The following AHCYL2 variants were observed in gnomAD, a reference collection of about 807,000 sequenced individuals.
The protein encoded by AHCYL2 is S-adenosylhomocysteine hydrolase-like protein 2.
AHCYL2 carries 28 observed loss-of-function variants against 81.4 expected under a neutral mutation model. The observed-to-expected ratio is 0.34, with a 90% confidence interval of 0.25 to 0.47. AHCYL2 has a LOEUF of 0.47. Ranked by LOEUF, AHCYL2 falls within the 20% of genes least tolerant of loss-of-function variation. AHCYL2 has a pLI of 1.00. For missense variants in AHCYL2, 551 were observed against 785.1 expected, an observed-to-expected ratio of 0.70 and a Z score of 3.56; for synonymous variants, 272 against 290.2, an observed-to-expected ratio of 0.94 and a Z score of 0.64.
At chr7:129,392,192 A>C (rs1373209971) in intron 4 of AHCYL2, among the ~76,000 whole-genome samples, 1 of 152,230 alleles carries the variant, frequency 6.6e-6, no homozygotes, top group Admixed American at 6.5e-5. Flanking sequence ...CTTTAAAAAA[A>C]TAACGACAAA....
At chr7:129,261,422 T>C (rs2150716134) in intron 1 of AHCYL2, among the ~76,000 whole-genome samples, 1 of 152,348 alleles carries the variant, frequency 6.6e-6, no homozygotes, top group East Asian at 1.9e-4. Flanking sequence ...AATCTTAGAA[T>C]CGTTGTTCAA....
chr7:129,285,054 G>T (rs1273388042), intron 1 of AHCYL2, among the ~76,000 whole-genome samples: 1 of 152,172 alleles, frequency 6.6e-6, no homozygotes, highest in Non-Finnish European at 1.5e-5. Context: ...GCTGCTCAGG[G>T]GTTAATAAGG....
At chr7:129,257,608 C>G (rs1290120870) in intron 1 of AHCYL2, among the ~76,000 whole-genome samples, 1 of 152,084 alleles carries the variant, frequency 6.6e-6, no homozygotes, top group Non-Finnish European at 1.5e-5. Flanking sequence ...TTATGTATAC[C>G]TTGTAACCCA....
At chr7:129,422,016 G>A (rs969972905) in intron 12 of AHCYL2, among the ~76,000 whole-genome samples, 1 of 152,158 alleles carries the variant, frequency 6.6e-6, no homozygotes, top group Non-Finnish European at 1.5e-5. Context: ...GGGTAGTTTT[G>A]GAATATGAAC....
At position 129,428,194 on chromosome 7, in the gene AHCYL2, T is replaced by G. The variant is rs1797439835; in HGVS notation, c.*1149T>G. ...TAGTTTGAACCTCGTCAGACATTCA[T>G]TCCTTTGGCCATTGCCATGGATGAA... On this transcript the variant is annotated 3_prime_UTR_variant, in exon 17 of 17. Transcript: ENST00000325006. The G allele has an allele frequency of 6.6e-6, 1 of 152,266 alleles. No homozygotes were observed. The highest frequency in any genetic ancestry group is 1.5e-5 in the Non-Finnish European group (1 of 68,038). 9.4% of individuals were successfully genotyped at this position (152,266 alleles called of 1,614,324 possible).
intron 1 of AHCYL2, among the ~76,000 whole-genome samples, chr7:129,300,817 G>A (rs936257867): frequency 6.6e-5 from 10 of 152,042 alleles, no homozygotes; most frequent in African/African-American, 2.2e-4. Context: ...TTCAGCTGTG[G>A]CAAGATATTT....
At position 129,422,899 on chromosome 7, in the gene AHCYL2, G is replaced by A. The variant is rs1430140167; in HGVS notation, c.1521G>A (p.Val507=). 1 of 1,614,122 alleles carries A rather than the reference G, an allele frequency of 6.2e-7. No individual in the cohort carries two copies. Among genetic ancestry groups the A allele is most frequent in the African/African-American group, 1.3e-5 (1 of 75,012 alleles). The change falls in exon 13 of 17, where the codon GTG becomes GTA. Residue 507 remains valine, a synonymous_variant. Coordinates refer to ENST00000325006, the MANE Select transcript of AHCYL2 (RefSeq NM_015328.4). ...GAGTGAGATCTCAAGTTGACCATGT[G>A]ATATGGCCTGATGGCAAGAGGATAG... ...WERVRSQVDH[V]IWPDGKRIVL... is the part of the protein sequence containing the mutation.
rs1175801038 is a variant in AHCYL2, at chr7:129,428,060, A to T, written c.*1015A>T. ...AGACTCACAGCTTGATACCCTAACA[A>T]AGCAGAGTATATTTATTTGTTTCCC... On this transcript the variant is annotated 3_prime_UTR_variant, in exon 17 of 17. Transcript: ENST00000325006. 6.6e-6 allele frequency: 1 copy of T among 152,194 alleles called. No individual in the cohort carries two copies. Among genetic ancestry groups the T allele is most frequent in the Non-Finnish European group, 1.5e-5 (1 of 68,038 alleles). The allele number at this position is 152,194 out of a possible 1,614,324, so 9.4% of individuals were successfully genotyped here. A position where few individuals can be genotyped will look rare whatever the true frequency, so the allele number is the denominator to read the frequency against.
intron 1 of AHCYL2, among the ~76,000 whole-genome samples, chr7:129,360,488 A>G (rs917006755): frequency 6.6e-6 from 1 of 152,226 alleles, no homozygotes; most frequent in Admixed American, 6.5e-5. Context: ...CACTTGGAAT[A>G]CAAAAATAGG....
intron 1 of AHCYL2, among the ~76,000 whole-genome samples, chr7:129,360,635 C>T (rs1003673905): frequency 3.3e-5 from 5 of 152,164 alleles, no homozygotes; most frequent in African/African-American, 1.2e-4. Flanking sequence ...GTAATTGATT[C>T]TTAACCTAGA....
At chr7:129,304,865 T>G (rs1797375256) in intron 1 of AHCYL2, among the ~76,000 whole-genome samples, 1 of 152,114 alleles carries the variant, frequency 6.6e-6, no homozygotes, top group Admixed American at 6.5e-5. Flanking sequence ...ATTGGGGAGT[T>G]TAGTCCATTT....
At chr7:129,424,587 A>T (rs777576373) in intron 13 of AHCYL2, 2 of 478,200 alleles carry the variant, frequency 4.2e-6, no homozygotes, top group Non-Finnish European at 7.6e-6. Flanking sequence ...AATTCAAGAG[A>T]AGTACACTGA....
At chr7:129,316,893 A>G (rs1474115597) in intron 1 of AHCYL2, among the ~76,000 whole-genome samples, 1 of 152,244 alleles carries the variant, frequency 6.6e-6, no homozygotes, top group African/African-American at 2.4e-5. Context: ...GGCAAAACAT[A>G]TATCCTTGAG....
chr7:129,368,115 A>C lies in AHCYL2; in HGVS notation c.364-11523A>C. 9.7e-7 allele frequency: 1 copy of C among 1,026,398 alleles called. No homozygotes were observed. Among genetic ancestry groups the C allele is most frequent in the South Asian group, 4.1e-5 (1 of 24,100 alleles). The allele number at this position is 1,026,398 out of a possible 1,614,324, so 63.6% of individuals were successfully genotyped here. A position where few individuals can be genotyped will look rare whatever the true frequency, so the allele number is the denominator to read the frequency against. ...GGGAGAGAATTCACAAGTGCCTCAC[A>C]CACAGGGAAAGAAGGAAGTCCAACT... On this transcript the variant is annotated intron_variant, in intron 1 of 16. Coordinates refer to ENST00000325006, the MANE Select transcript of AHCYL2 (RefSeq NM_015328.4). The surrounding 1 kb of genome is among the most constrained non-coding windows in gnomAD (Gnocchi z 4.4).
At chr7:129,234,984 C>T (rs1360170582) in intron 1 of AHCYL2, among the ~76,000 whole-genome samples, 1 of 152,198 alleles carries the variant, frequency 6.6e-6, no homozygotes, top group Non-Finnish European at 1.5e-5. Context: ...GTTTTCAGTA[C>T]ATGCTATATG....
chr7:129,398,073 G>C (rs955590789), intron 5 of AHCYL2, among the ~76,000 whole-genome samples: 1 of 151,956 alleles, frequency 6.6e-6, no homozygotes, highest in Non-Finnish European at 1.5e-5. Flanking sequence ...CAGTAGTGCA[G>C]TCGTGTTTCA....
At chr7:129,377,300 G>A (rs1794732088) in intron 1 of AHCYL2, among the ~76,000 whole-genome samples, 1 of 152,178 alleles carries the variant, frequency 6.6e-6, no homozygotes, top group Non-Finnish European at 1.5e-5. Flanking sequence ...GGAATAAATT[G>A]CTAGTTGAGC....
intron 1 of AHCYL2, among the ~76,000 whole-genome samples, chr7:129,321,845 G>A (rs185645288): frequency 6.8e-6 from 1 of 146,230 alleles, no homozygotes; most frequent in Non-Finnish European, 1.5e-5. Flanking sequence ...GCACGATCTC[G>A]GCTCACCTTA....
At chr7:129,324,896 T>C (rs188295472) in intron 1 of AHCYL2, among the ~76,000 whole-genome samples, 1 of 152,342 alleles carries the variant, frequency 6.6e-6, no homozygotes, top group East Asian at 1.9e-4. Flanking sequence ...CTTTAACTTA[T>C]CAGACACCTC....
Sources: allele counts gnomAD v4.1 joint callset (sites outside exome capture counted in the v4.1 genomes callset), GRCh38; gene constraint gnomAD v4.1.1; non-coding constraint Gnocchi (gnomAD v3.1); transcripts MANE v1.5; gene names NCBI Gene and HGNC (gene_info 2026-07-23, HGNC 2026-07-21).